ERBIN: variants seen among roughly 807,000 people sequenced by gnomAD.
ERBIN encodes the protein densin-180-like protein.
A neutral mutation model predicts 158.4 loss-of-function variants in ERBIN; 60 were observed. That is an observed-to-expected ratio of 0.38 (90% CI 0.31 to 0.47). The LOEUF is 0.47. ERBIN is among the 20% of genes least tolerant of loss of function. ERBIN has a pLI of 0.99. For synonymous variants in ERBIN, 594 were observed against 557.2 expected (o/e 1.07, Z -0.93); for missense variants, 1,610 against 1,648.0 (o/e 0.98, Z 0.40).
At chr5:66,051,044 A>G in intron 20 of ERBIN, 78 bp downstream of exon 20, 1 of 861,960 alleles carries the variant, frequency 1.2e-6, no homozygotes, top group Non-Finnish European at 1.8e-6. Flanking sequence ...ACATAAATAT[A>G]TAGGGTTTAA....
chr5:65,995,910 T>C (rs558395559), intron 4 of ERBIN, among the ~76,000 whole-genome samples: 1 of 152,352 alleles, frequency 6.6e-6, no homozygotes, highest in South Asian at 2.1e-4. Flanking sequence ...GTGTGTGTTT[T>C]GTTGAGAACT....
chr5:65,972,198 A>AC (rs1749329430), intron 1 of ERBIN, among the ~76,000 whole-genome samples: 1 of 152,002 alleles, frequency 6.6e-6, no homozygotes, highest in Non-Finnish European at 1.5e-5. Flanking sequence ...ATTGTCTCTC[A>AC]CCCTTGGGCC....
intron 15 of ERBIN, among the ~76,000 whole-genome samples, chr5:66,040,635 G>A (rs2151196640): frequency 6.6e-6 from 1 of 151,866 alleles, no homozygotes; most frequent in South Asian, 2.1e-4. Context: ...CTATAAGAAA[G>A]GCTTTTGTCT....
chr5:66,071,402 G>A (rs1332879187), intron 21 of ERBIN, among the ~76,000 whole-genome samples: 1 of 151,854 alleles, frequency 6.6e-6, no homozygotes, highest in East Asian at 1.9e-4. Flanking sequence ...ATATTCAGGG[G>A]TAATGAGATT....
chr5:66,029,612 T>G (rs1158107441), intron 14 of ERBIN, among the ~76,000 whole-genome samples: 1 of 151,912 alleles, frequency 6.6e-6, no homozygotes, highest in Non-Finnish European at 1.5e-5. Context: ...GTCCTGTCCT[T>G]TTCTTTTTTT....
At chr5:66,038,283 T>C in intron 14 of ERBIN, 100 bp from the exon 15 acceptor site, 1 of 649,812 alleles carries the variant, frequency 1.5e-6, no homozygotes, top group Non-Finnish European at 2.6e-6. Flanking sequence ...TGCACATTGA[T>C]ACTTTATAGA....
rs114108334 is a variant in ERBIN at position 66,067,989 on chromosome 5, T to C, written c.3634-4180T>C. Among the ~76,000 whole-genome samples the C allele has an allele frequency of 6.2e-3, 939 of 152,182 alleles. 15 individuals carry two copies. Among genetic ancestry groups the C allele is most frequent in the African/African-American group, 0.022 (901 of 41,544 alleles). On this transcript the variant is annotated intron_variant, in intron 21 of 25. Transcript: ENST00000284037. ...AAAGGGTATATCATAAATTCGCGTA[T>C]GTTAAAACTATTCTCTAATGCAAGA...
intron 1 of ERBIN, among the ~76,000 whole-genome samples, chr5:65,940,319 C>T (rs1290459693): frequency 6.7e-6 from 1 of 150,176 alleles, no homozygotes; most frequent in South Asian, 2.1e-4. Context: ...GGCAACCGCC[C>T]CATATGAGAA....
chr5:66,033,209 C>T (rs992556739), intron 14 of ERBIN, among the ~76,000 whole-genome samples: 3 of 152,148 alleles, frequency 2.0e-5, no homozygotes, highest in South Asian at 2.1e-4. Flanking sequence ...AATATATTCA[C>T]TTTATTTTAA....
At chr5:66,000,653 GTTC>G (rs1249283433) in intron 4 of ERBIN, among the ~76,000 whole-genome samples, 3 of 152,114 alleles carry the variant, frequency 2.0e-5, no homozygotes, top group Non-Finnish European at 4.4e-5. Flanking sequence ...AAATTGGTCT[GTTC>G]TTGTTATATG....
rs898910145 is a variant in ERBIN, at chr5:65,980,021, C to G, written c.-57-8614C>G. Among the ~76,000 whole-genome samples, 4 of 151,584 alleles carry G rather than the reference C, an allele frequency of 2.6e-5. No homozygotes were observed. In the South Asian group the frequency reaches 8.3e-4, roughly 32 times the overall value. ...ATGTATATTGTAATTTCTAGAGCAACCAAAAATGTAGGATAGCTAAAAGTC... is the reference window on the plus strand; with the variant it reads ...ATGTATATTGTAATTTCTAGAGCAAGCAAAAATGTAGGATAGCTAAAAGTC... On this transcript the variant is annotated intron_variant, in intron 1 of 25. Transcript: ENST00000284037.
intron 4 of ERBIN, 54 bp from the exon 5 acceptor site, chr5:66,011,992 GTTA>G: frequency 9.1e-7 from 1 of 1,100,258 alleles, no homozygotes; most frequent in Non-Finnish European, 1.4e-6. Flanking sequence ...TATTGTTACT[GTTA>G]TTATTTTGTC....
chr5:65,958,650 G>A (rs1374986385), intron 1 of ERBIN, among the ~76,000 whole-genome samples: 1 of 149,002 alleles, frequency 6.7e-6, no homozygotes, highest in Non-Finnish European at 1.5e-5. Context: ...GAGAGAGAGG[G>A]AGACCGTGAG....
Position 66,048,659 on chromosome 5 carries a change from T to C in ERBIN, c.1789-8T>C. ...TAATTTTTATCCCCCTCACCCCCTTTTCACTAGGAATCTGAAGAACTTTCT... is the reference window on the plus strand; with the variant it reads ...TAATTTTTATCCCCCTCACCCCCTTCTCACTAGGAATCTGAAGAACTTTCT... On this transcript the variant is annotated splice_region_variant and splice_polypyrimidine_tract_variant and intron_variant, in intron 18 of 25. Transcript: ENST00000284037. 3.2e-6 allele frequency: 5 copies of C among 1,583,036 alleles called. No individual in the cohort carries two copies. Among genetic ancestry groups the C allele is most frequent in the Non-Finnish European group, 4.3e-6 (5 of 1,158,102 alleles).
At chr5:65,985,698 C>G (rs972368416) in intron 1 of ERBIN, among the ~76,000 whole-genome samples, 4 of 152,284 alleles carry the variant, frequency 2.6e-5, no homozygotes, top group African/African-American at 9.6e-5. Context: ...TGTTGTATCT[C>G]TTCATTCATA....
intron 1 of ERBIN, among the ~76,000 whole-genome samples, chr5:65,933,651 T>C (rs1482734299): frequency 6.6e-6 from 1 of 152,196 alleles, no homozygotes; most frequent in African/African-American, 2.4e-5. Context: ...TCTTCTTGTT[T>C]TGGGTGTCTG....
At chr5:65,939,313 T>A (rs990282002) in intron 1 of ERBIN, among the ~76,000 whole-genome samples, 1 of 152,104 alleles carries the variant, frequency 6.6e-6, no homozygotes, top group African/African-American at 2.4e-5. Context: ...GGCGTGTGCC[T>A]GTAGTCCCAG....
intron 18 of ERBIN, among the ~76,000 whole-genome samples, chr5:66,047,618 A>G (rs2151216985): frequency 6.6e-6 from 1 of 152,186 alleles, no homozygotes; most frequent in East Asian, 1.9e-4. Context: ...ACTAGCTACA[A>G]GTGGCTATTT....
chr5:66,038,410 G>A lies in ERBIN; in HGVS notation c.1234G>A (p.Glu412Lys), dbSNP rs1166590738. Residue 412 changes from glutamate to lysine, a missense_variant, in exon 15 of 26, where the codon GAA becomes AAA. Transcript: ENST00000284037. ...CAAACCCCTGATACCTCTTCAAAAA[G>A]AAACTGATTCAGAGACCCAGAAAAT... The part of the protein sequence containing the change: ...QSKPLIPLQK[E>K]TDSETQKMVL... 6.2e-7 allele frequency: 1 copy of A among 1,611,876 alleles called. No homozygotes were observed. Among genetic ancestry groups the A allele is most frequent in the Admixed American group, 1.7e-5 (1 of 59,848 alleles).
Sources: gnomAD v4.1 joint callset for allele counts (sites outside exome capture counted in the v4.1 genomes callset) on GRCh38, gnomAD v4.1.1 for gene constraint, MANE v1.5 for transcripts, NCBI Gene and HGNC (gene_info 2026-07-23, HGNC 2026-07-21) for gene names.